RNF144A: variants seen among roughly 807,000 people sequenced by gnomAD.
The protein encoded by RNF144A is ring finger protein 144A, also known as E3 ubiquitin-protein ligase RNF144A.
RNF144A carries 11 observed loss-of-function variants against 38.7 expected under a neutral mutation model. That is an observed-to-expected ratio of 0.28 (90% CI 0.18 to 0.47). The LOEUF is 0.47. Among genes scored for constraint, RNF144A ranks in the 20% least tolerant of loss-of-function variants. RNF144A has a pLI of 0.99. For missense variants in RNF144A, 316 were observed against 377.2 expected (o/e 0.84, Z 1.34); for synonymous variants, 149 against 143.9 (o/e 1.04, Z -0.25).
intron 6 of RNF144A, among the ~76,000 whole-genome samples, chr2:7,059,552 G>C (rs1673875379): frequency 6.6e-6 from 1 of 152,144 alleles, no homozygotes; most frequent in Non-Finnish European, 1.5e-5. Flanking sequence ...AAAGAGTCAA[G>C]TGTCAGCTTT....
intron 2 of RNF144A, among the ~76,000 whole-genome samples, chr2:6,991,739 G>A (rs1669392989): frequency 6.6e-6 from 1 of 152,030 alleles, no homozygotes; most frequent in Admixed American, 6.6e-5. Flanking sequence ...AATGTCTGAT[G>A]TACATTTAAC....
chr2:7,008,387 A>G (rs2103409709), intron 3 of RNF144A, among the ~76,000 whole-genome samples: 2 of 152,182 alleles, frequency 1.3e-5, no homozygotes, highest in Middle Eastern at 6.8e-3. Flanking sequence ...CCTCACAAAC[A>G]CTTCCCTGAA....
chr2:6,921,028 A>C (rs1019704953), intron 1 of RNF144A, among the ~76,000 whole-genome samples: 1 of 152,240 alleles, frequency 6.6e-6, no homozygotes, highest in African/African-American at 2.4e-5. Flanking sequence ...CAGGAGAATA[A>C]ATATTACAGG....
intron 6 of RNF144A, among the ~76,000 whole-genome samples, chr2:7,023,062 G>C (rs1347130596): frequency 2.0e-5 from 3 of 152,158 alleles, no homozygotes; most frequent in Non-Finnish European, 2.9e-5. Context: ...CGTCTGTAGA[G>C]ATCGATGCTA....
rs555902231 is a variant in RNF144A at position 7,052,068 on chromosome 2, T to C, written c.735-16148T>C. On this transcript the variant is annotated intron_variant, in intron 6 of 6. Transcript: ENST00000432850. ...TAACATAAATACCTCCAAAATGCCC[T>C]ATTGCCTCTGTAGCTGTGCCCTGGA... Among the ~76,000 whole-genome samples, 62 of 152,266 alleles carry C rather than the reference T, an allele frequency of 4.1e-4. 3 individuals carry two copies. The South Asian group carries it at 0.012, about 31-fold the overall frequency.
At chr2:6,951,396 C>T (rs1409307610) in intron 2 of RNF144A, among the ~76,000 whole-genome samples, 1 of 152,100 alleles carries the variant, frequency 6.6e-6, no homozygotes, top group Non-Finnish European at 1.5e-5. Flanking sequence ...GGCTTCCAAC[C>T]TTTTCCCTCT....
chr2:6,936,329 A>G (rs1004377558), intron 1 of RNF144A, among the ~76,000 whole-genome samples: 9 of 152,230 alleles, frequency 5.9e-5, no homozygotes, highest in East Asian at 3.8e-4. Flanking sequence ...ATATAGATAC[A>G]TATGTACACA....
chr2:7,002,850 A>G (rs1194414777), intron 3 of RNF144A, among the ~76,000 whole-genome samples: 1 of 152,180 alleles, frequency 6.6e-6, no homozygotes, highest in East Asian at 1.9e-4. Flanking sequence ...ATCTCATATG[A>G]GATGACAGCT....
intron 2 of RNF144A, among the ~76,000 whole-genome samples, chr2:6,984,973 A>T (rs912803390): frequency 2.6e-5 from 4 of 152,218 alleles, no homozygotes; most frequent in Admixed American, 6.5e-5. Flanking sequence ...CACCCCATAG[A>T]GTTCATTGTA....
intron 2 of RNF144A, among the ~76,000 whole-genome samples, chr2:6,946,968 T>C (rs1048370887): frequency 6.6e-6 from 1 of 152,166 alleles, no homozygotes; most frequent in Non-Finnish European, 1.5e-5. Flanking sequence ...CACTCAGAGT[T>C]AGTTTTTTCT....
Position 7,040,810 on chromosome 2 carries a change from A to G in RNF144A, c.*1050A>G. On this transcript the variant is annotated 3_prime_UTR_variant, in exon 9 of 9. Coordinates refer to ENST00000320892, the MANE Select transcript of RNF144A (RefSeq NM_014746.6). ...GATTTTCACATTTTTAAAATGTTCT[A>G]GTCATTTTGAGAAATCATATATCTT... is the stretch of plus-strand genomic sequence containing the variant. The G allele has an allele frequency of 1.0e-6, 1 of 985,446 alleles. No homozygotes were observed. Among genetic ancestry groups the G allele is most frequent in the South Asian group, 4.7e-5 (1 of 21,290 alleles). The allele number at this position is 985,446 out of a possible 1,614,324, so 61.0% of individuals were successfully genotyped here. A position where few individuals can be genotyped will look rare whatever the true frequency, so the allele number is the denominator to read the frequency against.
At chr2:7,012,682 T>G (rs777873934) in intron 3 of RNF144A, among the ~76,000 whole-genome samples, 3 of 152,236 alleles carry the variant, frequency 2.0e-5, no homozygotes, top group Non-Finnish European at 4.4e-5. Context: ...TGCTGGAGGC[T>G]GGGTGTGACT....
rs768668464 is a variant in RNF144A at position 7,041,688 on chromosome 2, A to T, written c.*1928A>T. 7.0e-5 allele frequency: 69 copies of T among 985,410 alleles called. No individual in the cohort carries two copies. The highest frequency in any genetic ancestry group is 7.5e-5 in the Non-Finnish European group (62 of 829,982). The allele number at this position is 985,410 out of a possible 1,614,324, so 61.0% of individuals were successfully genotyped here. On this transcript the variant is annotated 3_prime_UTR_variant, in exon 9 of 9. Transcript: ENST00000320892. ...CCAGCCACTGCCCTTTAACATGCCC[A>T]GCACACATGGGAGGCCTGTGGCCCT... is the stretch of plus-strand genomic sequence containing the variant.
At chr2:6,919,646 G>C (rs1664405777) in intron 1 of RNF144A, among the ~76,000 whole-genome samples, 1 of 152,170 alleles carries the variant, frequency 6.6e-6, no homozygotes, top group African/African-American at 2.4e-5. Context: ...GACCCCCACT[G>C]GCTGTGGGCT....
rs542966379 is a variant in RNF144A, at chr2:7,032,608, ATCCTCCGTCT to A, written c.747+2401_747+2410del. On this transcript the variant is annotated intron_variant, in intron 8 of 8. Coordinates refer to ENST00000320892, the MANE Select transcript of RNF144A (RefSeq NM_014746.6). ...CTGGACAGATCGATGCGTCACTGCA[ATCCTCCGTCT>A]TCCTCCGGCTGCCTCTTCCCTGTGC... is the stretch of plus-strand genomic sequence containing the variant. 5.3e-5 allele frequency among the ~76,000 whole-genome samples: 8 copies of A among 152,300 alleles called. No homozygotes were observed. In the South Asian group the frequency reaches 1.0e-3, roughly 20 times the overall value.
rs750458585 is a variant in RNF144A at position 6,941,826 on chromosome 2, G to C, written c.-12+679G>C. 4.6e-5 allele frequency among the ~76,000 whole-genome samples: 7 copies of C among 152,246 alleles called. No individual in the cohort carries two copies. The highest frequency in any genetic ancestry group is 1.0e-4 in the Non-Finnish European group (7 of 68,038). On this transcript the variant is annotated intron_variant, in intron 2 of 8. Coordinates refer to ENST00000320892, the MANE Select transcript of RNF144A (RefSeq NM_014746.6). This position sits in a 1 kb window ranked among gnomAD's most constrained non-coding sequence, Gnocchi z 6.5. ...AAGAGCGCTGTAGACAGAAGGGCTG[G>C]TGGCTGCAGCATACGGACAGCTGGA...
intron 1 of RNF144A, among the ~76,000 whole-genome samples, chr2:6,936,861 G>A (rs890221217): frequency 2.0e-5 from 3 of 151,596 alleles, no homozygotes; most frequent in African/African-American, 7.3e-5. Context: ...GTGTGTGTGT[G>A]TGTGTGTGTG....
intron 6 of RNF144A, chr2:7,062,721 C>T (rs1674017171): frequency 6.6e-6 from 1 of 152,170 alleles, no homozygotes; most frequent in Non-Finnish European, 1.5e-5. Context: ...TATCCAGCTT[C>T]TCTGAGTCCC....
At chr2:7,064,671 T>A (rs959762985) in intron 6 of RNF144A, among the ~76,000 whole-genome samples, 2 of 152,184 alleles carry the variant, frequency 1.3e-5, no homozygotes, top group African/African-American at 4.8e-5. Flanking sequence ...AGGAAGATTC[T>A]GGTAATGACT....
Sources: allele counts gnomAD v4.1 joint callset (sites outside exome capture counted in the v4.1 genomes callset), GRCh38; gene constraint gnomAD v4.1.1; non-coding constraint Gnocchi (gnomAD v3.1); transcripts MANE v1.5; gene names NCBI Gene and HGNC (gene_info 2026-07-23, HGNC 2026-07-21).